Variants in ATP8A2 observed in about 807,000 individuals in gnomAD.
ATP8A2 encodes phospholipid-transporting ATPase IB.
ATP8A2 carries 100 observed loss-of-function variants against 165.6 expected under a neutral mutation model. That is an observed-to-expected ratio of 0.60 (90% CI 0.51 to 0.71). The LOEUF is 0.71. Among genes scored for constraint, ATP8A2 ranks in the 30% least tolerant of loss-of-function variants. The pLI, the probability that ATP8A2 is intolerant of heterozygous loss-of-function variation, is 0.00. For synonymous variants in ATP8A2, 543 were observed against 548.8 expected, an observed-to-expected ratio of 0.99 and a Z score of 0.15; for missense variants, 1,227 against 1,479.5, an observed-to-expected ratio of 0.83 and a Z score of 2.80.
At chr13:25,715,827 A>G (rs759686495) in intron 25 of ATP8A2, among the ~76,000 whole-genome samples, 1 of 152,088 alleles carries the variant, frequency 6.6e-6, no homozygotes, top group Non-Finnish European at 1.5e-5. Flanking sequence ...CTAGGAGTGG[A>G]ATTGCTGGGG....
intron 1 of ATP8A2, among the ~76,000 whole-genome samples, chr13:25,417,136 G>A (rs997700561): frequency 2.0e-5 from 3 of 152,034 alleles, no homozygotes; most frequent in African/African-American, 7.2e-5. Flanking sequence ...TGTCATCTTT[G>A]CATCCTGAGA....
intron 1 of ATP8A2, among the ~76,000 whole-genome samples, chr13:25,448,393 T>C (rs1218452085): frequency 6.6e-6 from 1 of 152,126 alleles, no homozygotes; most frequent in East Asian, 1.9e-4. Flanking sequence ...AAAATACACA[T>C]AAAGTCAACA....
intron 33 of ATP8A2, among the ~76,000 whole-genome samples, chr13:25,882,391 T>A (rs1207733418): frequency 6.6e-6 from 1 of 152,292 alleles, no homozygotes; most frequent in South Asian, 2.1e-4. Context: ...GGGGTTACAA[T>A]GAGTAGGACA....
intron 1 of ATP8A2, among the ~76,000 whole-genome samples, chr13:25,432,969 G>A (rs368933259): frequency 4.1e-4 from 62 of 152,354 alleles, no homozygotes; most frequent in Non-Finnish European, 7.3e-4. Context: ...GGAATGGGGA[G>A]TAGTTAGCTT....
intron 24 of ATP8A2, among the ~76,000 whole-genome samples, chr13:25,626,717 C>T (rs141884267): frequency 4.1e-4 from 63 of 151,942 alleles, no homozygotes; most frequent in African/African-American, 1.4e-3. Flanking sequence ...GTTTTCACAC[C>T]GCGGATAAAG....
At chr13:25,737,926 C>A (rs4770872) in intron 25 of ATP8A2, among the ~76,000 whole-genome samples, 7,217 of 152,224 alleles carry the variant, frequency 0.047, 221 homozygotes, top group Non-Finnish European at 0.065. Flanking sequence ...CCTCGTGATC[C>A]GCCCCTCTCG....
intron 28 of ATP8A2, 58 bp from the exon 29 acceptor site, chr13:25,837,105 C>A (rs1593425839): frequency 6.3e-7 from 1 of 1,584,696 alleles, no homozygotes; most frequent in Non-Finnish European, 8.6e-7. Flanking sequence ...TAGAAGGGAA[C>A]AATGAAGCCG....
chr13:25,445,031 A>G (rs976753982), intron 1 of ATP8A2, among the ~76,000 whole-genome samples: 2 of 152,064 alleles, frequency 1.3e-5, no homozygotes, highest in African/African-American at 2.4e-5. Flanking sequence ...CACATTCTTT[A>G]TTGTTTTACA....
intron 35 of ATP8A2, among the ~76,000 whole-genome samples, chr13:25,974,605 A>C (rs565237093): frequency 6.6e-6 from 1 of 151,882 alleles, no homozygotes; most frequent in Admixed American, 6.6e-5. Context: ...CTGCCCCAGG[A>C]TCTCTCGCCA....
At chr13:25,748,556 A>C (rs1249811989) in intron 25 of ATP8A2, among the ~76,000 whole-genome samples, 1 of 152,224 alleles carries the variant, frequency 6.6e-6, no homozygotes, top group Non-Finnish European at 1.5e-5. Context: ...TACTGGAGGC[A>C]TGGCTGCTTG....
intron 30 of ATP8A2, among the ~76,000 whole-genome samples, chr13:25,846,574 G>T (rs1022202603): frequency 1.3e-5 from 2 of 152,254 alleles, no homozygotes; most frequent in African/African-American, 4.8e-5. Flanking sequence ...CCTTGGGATG[G>T]TGAGAGTGGA....
chr13:25,926,877 G>C (rs993246632), intron 33 of ATP8A2, among the ~76,000 whole-genome samples: 2 of 152,148 alleles, frequency 1.3e-5, no homozygotes, highest in African/African-American at 4.8e-5. Flanking sequence ...TTATTGCAGA[G>C]CTCTCGGAAA....
chr13:25,516,561 G>A (rs1460044093), intron 2 of ATP8A2, among the ~76,000 whole-genome samples: 1 of 152,194 alleles, frequency 6.6e-6, no homozygotes, highest in Non-Finnish European at 1.5e-5. Context: ...TTTTGGGGCA[G>A]TGGCTGCATG....
intron 24 of ATP8A2, among the ~76,000 whole-genome samples, chr13:25,671,832 A>G (rs1347082822): frequency 6.6e-6 from 1 of 152,136 alleles, no homozygotes; most frequent in Admixed American, 6.5e-5. Context: ...CTTGTAAAGT[A>G]CTTGATGTCT....
At chr13:25,829,668 GTATATATATATATATATATATA>G (rs71080203) in intron 28 of ATP8A2, among the ~76,000 whole-genome samples, 1,190 of 63,414 alleles carry the variant, frequency 0.019, 102 homozygotes, top group East Asian at 0.15. Flanking sequence ...GACAGGTGTG[GTATATATATATATATATATATA>G]TATATATATA....
At chr13:25,638,891 G>T (rs2041440762) in intron 24 of ATP8A2, among the ~76,000 whole-genome samples, 1 of 152,230 alleles carries the variant, frequency 6.6e-6, no homozygotes, top group Admixed American at 6.5e-5. Flanking sequence ...AAACCCATCA[G>T]ACTAACAGCG....
chr13:25,591,670 A>G lies in ATP8A2; in HGVS notation c.2211+1971A>G, dbSNP rs182026789. 2.9e-4 allele frequency among the ~76,000 whole-genome samples: 44 copies of G among 151,378 alleles called. 1 individual carries two copies. Among genetic ancestry groups the G allele is most frequent in the Middle Eastern group, 3.4e-3 (1 of 294 alleles). The stretch of plus-strand genomic sequence containing the variant: ...CAAACGAGGCTCACCGCAACCTCCA[A>G]TTCCTTGGTTCAAGTGATTCACCTG... On this transcript the variant is annotated intron_variant, in intron 24 of 36. Transcript: ENST00000381655.
chr13:25,745,439 C>T (rs1409234486), intron 25 of ATP8A2, among the ~76,000 whole-genome samples: 1 of 152,202 alleles, frequency 6.6e-6, no homozygotes, highest in African/African-American at 2.4e-5. Flanking sequence ...TTACAATGAA[C>T]TTATCTTTAT....
At chr13:25,723,785 G>T (rs2043434975) in intron 25 of ATP8A2, among the ~76,000 whole-genome samples, 1 of 152,062 alleles carries the variant, frequency 6.6e-6, no homozygotes, top group Non-Finnish European at 1.5e-5. Flanking sequence ...CGAGACTGCA[G>T]CTGGAATGAG....
Sources: allele counts gnomAD v4.1 joint callset (sites outside exome capture counted in the v4.1 genomes callset), GRCh38; gene constraint gnomAD v4.1.1; transcripts MANE v1.5; gene names NCBI Gene and HGNC (gene_info 2026-07-23, HGNC 2026-07-21).